PROX2: variants seen among roughly 807,000 people sequenced by gnomAD.
PROX2 encodes prospero homeobox protein 2.
In PROX2, 46 loss-of-function variants were observed where a neutral mutation model predicts 48.9. The observed-to-expected ratio is 0.94, with a 90% CI of 0.74 to 1.20. The LOEUF (loss-of-function observed/expected upper bound fraction) is 1.20, where lower values mean the gene tolerates loss of function less well. Among genes scored for constraint, PROX2 ranks in the 50% most tolerant of loss-of-function variants. The pLI is 0.00. For synonymous variants in PROX2, 260 were observed against 276.6 expected (o/e 0.94, Z 0.60); for missense variants, 663 against 719.4 (o/e 0.92, Z 0.90).
At chr14:74,874,925 G>A (rs1429280229) in intron 1 of PROX2, among the ~76,000 whole-genome samples, 2 of 151,806 alleles carry the variant, frequency 1.3e-5, no homozygotes, top group East Asian at 3.9e-4. Flanking sequence ...TGGGTAGATC[G>A]CCTGAGGTCA....
chr14:74,858,842 TTGTGTGTGTG>T (rs199587376), intron 3 of PROX2: 6,005 of 162,152 alleles, frequency 0.037, 168 homozygotes, highest in Non-Finnish European at 0.049. Context: ...GGTTGGTGTA[TTGTGTGTGTG>T]TGTGTGTGTG....
rs2140168623 is a variant in PROX2, at chr14:74,863,214, T to C, written c.621A>G (p.Gln207=). The C allele has an allele frequency of 1.9e-6, 3 of 1,614,000 alleles. No homozygotes were observed. The highest frequency in any genetic ancestry group is 2.2e-5 in the South Asian group (2 of 91,084). The change falls in exon 3 of 6, where the codon CAA becomes CAG. Residue 207 remains glutamine (Q), a synonymous_variant. Transcript: ENST00000556489. ...SKDLSGAEKH[Q]ESEKPSFLPS... ...GAAGGAAACTGGGCTTCTCAGACTC[T>C]TGGTGTTTTTCTGCCCCAGAGAGGT... is the stretch of plus-strand genomic sequence containing the variant.
At chr14:74,862,499 A>G in intron 3 of PROX2, 31 bp downstream of exon 3, 1 of 1,585,738 alleles carries the variant, frequency 6.3e-7, no homozygotes, top group Non-Finnish European at 8.6e-7. Context: ...CCTGGCCAAC[A>G]ATGAGAACTT....
In PROX2 at chr14:74,863,022, G is replaced by C; in HGVS notation, c.813C>G (p.Pro271=). 1.2e-6 allele frequency: 2 copies of C among 1,613,948 alleles called. No individual in the cohort carries two copies. The highest frequency in any genetic ancestry group is 1.7e-6 in the Non-Finnish European group (2 of 1,179,854). Residue 271 remains proline (P), a synonymous_variant, in exon 3 of 6, where the codon CCC becomes CCG. Transcript: ENST00000556489. ...QGQVAEGRSE[P]SPPVGGACKD... ...TACAGGCCCCTCCCACAGGAGGTGA[G>C]GGCTCGCTTCTACCCTCTGCCACCT...
chr14:74,870,865 C>T (rs539388590), intron 2 of PROX2, among the ~76,000 whole-genome samples: 17 of 152,156 alleles, frequency 1.1e-4, no homozygotes, highest in South Asian at 6.2e-4. Context: ...CATGGTGAAA[C>T]CCTGTCTCTA....
chr14:74,856,802 T>G lies in PROX2; in HGVS notation c.1607A>C (p.Glu536Ala). 1.2e-6 allele frequency: 2 copies of G among 1,613,278 alleles called. No individual in the cohort carries two copies. The highest frequency in any genetic ancestry group is 1.7e-6 in the Non-Finnish European group (2 of 1,179,224). Reference protein sequence around the residue: ...NMHYNKGNDFEVPDCFLEIAS... With the variant: ...NMHYNKGNDFAVPDCFLEIAS... ...TGGGAACCCAGTACATGGTCTTACC[T>G]CAAAGTCATTTCCCTTGTTGTAGTG... The change falls in exon 5 of 6, where the codon GAG becomes GCG. Residue 536 changes from glutamate to alanine, a missense_variant and splice_region_variant. Transcript: ENST00000556489.
In PROX2 at chr14:74,854,657, T is replaced by C. The variant is rs2091728859; in HGVS notation, c.*475A>G. The stretch of plus-strand genomic sequence containing the variant: ...TATGTGAAAGTATCTAGCAAATAGA[T>C]GGCGCTTTATAATTAGGTGACTAAA... On this transcript the variant is annotated 3_prime_UTR_variant, in exon 6 of 6. Transcript: ENST00000556489. 1 of 153,586 alleles carries C rather than the reference T, an allele frequency of 6.5e-6. No individual in the cohort carries two copies. Among genetic ancestry groups the C allele is most frequent in the African/African-American group, 2.4e-5 (1 of 41,448 alleles). The allele number at this position is 153,586 out of a possible 1,614,324, so 9.5% of individuals were successfully genotyped here.
At chr14:74,858,360 C>T (rs767651909) in intron 4 of PROX2, 47 bp downstream of exon 4, 2 of 1,202,664 alleles carry the variant, frequency 1.7e-6, no homozygotes, top group Admixed American at 2.0e-5. Flanking sequence ...AAACACACTG[C>T]CTCTTGGGAG....
chr14:74,873,291 G>T (rs923169376), intron 1 of PROX2, among the ~76,000 whole-genome samples: 10 of 152,042 alleles, frequency 6.6e-5, no homozygotes, highest in African/African-American at 2.4e-4. Context: ...CCAGCCCTTT[G>T]TTAGCTCTTA....
Position 74,863,935 on chromosome 14 carries a change from G to A in PROX2, c.-101C>T. 7.6e-7 allele frequency: 1 copy of A among 1,312,868 alleles called. No homozygotes were observed. Among genetic ancestry groups the A allele is most frequent in the Non-Finnish European group, 9.7e-7 (1 of 1,029,942 alleles). 81.3% of individuals were successfully genotyped at this position (1,312,868 alleles called of 1,614,324 possible). A position where few individuals can be genotyped will look rare whatever the true frequency, so the allele number is the denominator to read the frequency against. On this transcript the variant is annotated 5_prime_UTR_variant, in exon 3 of 6. Transcript: ENST00000556489. Reference sequence around the variant, plus strand: ...GGCTTCCTCCTCTGCACTTAGAAGGGTAAAGAGCCACTGTCACTGAGGAAG... The same window carrying A: ...GGCTTCCTCCTCTGCACTTAGAAGGATAAAGAGCCACTGTCACTGAGGAAG...
At position 74,853,053 on chromosome 14, in the gene PROX2, A is replaced by G. The variant is rs1358398741; in HGVS notation, c.*2079T>C. On this transcript the variant is annotated 3_prime_UTR_variant, in exon 6 of 6. Transcript: ENST00000556489. ...CTGTTGGCAGAGCATACATATTTAT[A>G]CATTCTTCTGTGTTTAGCTCAGTGG... The G allele has an allele frequency of 6.6e-6, 1 of 152,230 alleles. No individual in the cohort carries two copies. The highest frequency in any genetic ancestry group is 2.4e-5 in the African/African-American group (1 of 41,444). The allele number at this position is 152,230 out of a possible 1,614,324, so 9.4% of individuals were successfully genotyped here. A position where few individuals can be genotyped will look rare whatever the true frequency, so the allele number is the denominator to read the frequency against.
chr14:74,856,870 C>T lies in PROX2; in HGVS notation c.1539G>A (p.Leu513=), dbSNP rs770157372. 2 of 1,613,844 alleles carry T rather than the reference C, an allele frequency of 1.2e-6. No individual in the cohort carries two copies. The highest frequency in any genetic ancestry group is 1.7e-5 in the Admixed American group (1 of 59,992). Residue 513 remains leucine (L), a synonymous_variant, in exon 5 of 6, where the codon CTG becomes CTA. Transcript: ENST00000556489. ...AAAGTTCTGAATTGCGGAGAACCAC[C>T]AGCATTTTGGGATTTGTGACACCAT... is the stretch of plus-strand genomic sequence containing the variant. ...ISDGVTNPKM[L]VVLRNSELFQ... is the part of the protein sequence containing the mutation.
chr14:74,863,518 T>C lies in PROX2; in HGVS notation c.317A>G (p.Gln106Arg), dbSNP rs767186286. 3 of 1,613,602 alleles carry C rather than the reference T, an allele frequency of 1.9e-6. No homozygotes were observed. The highest frequency in any genetic ancestry group is 2.5e-6 in the Non-Finnish European group (3 of 1,179,700). The change falls in exon 3 of 6, where the codon CAG becomes CGG. Residue 106 changes from glutamine to arginine, a missense_variant. Physicochemically the swap from Gln to Arg is conservative, Grantham distance 43. Transcript: ENST00000556489. ...GAGGCCTTGCGGTGTGGGAAGGTTCTGCTTCCTCTTCCTCTCTCGGGCCTT... is the reference window on the plus strand; with the variant it reads ...GAGGCCTTGCGGTGTGGGAAGGTTCCGCTTCCTCTTCCTCTCTCGGGCCTT... Reference protein sequence around the residue: ...PKKARERKRKQNLPTPQGLLM... With the variant: ...PKKARERKRKRNLPTPQGLLM...
chr14:74,873,147 C>A (rs1001591336), intron 1 of PROX2, among the ~76,000 whole-genome samples: 2 of 152,108 alleles, frequency 1.3e-5, no homozygotes, highest in Non-Finnish European at 2.9e-5. Context: ...CCATGCCCAG[C>A]TAATTTTTTG....
chr14:74,868,344 T>C lies in PROX2; in HGVS notation c.-175+2759A>G, dbSNP rs1594863478. On this transcript the variant is annotated intron_variant, in intron 2 of 5. Coordinates refer to ENST00000556489, the MANE Select transcript of PROX2 (RefSeq NM_001243007.2). ...ATATATATATATATATATATATATA[T>C]ATATATATATATATATAAACAAAAA... is the stretch of plus-strand genomic sequence containing the variant. 1.5e-5 allele frequency among the ~76,000 whole-genome samples: 2 copies of C among 129,652 alleles called. 1 individual carries two copies. The highest frequency in any genetic ancestry group is 4.7e-4 in the East Asian group (2 of 4,244). 85.1% of individuals were successfully genotyped at this position (129,652 alleles called of 152,430 possible).
chr14:74,869,852 T>C (rs1429046571), intron 2 of PROX2, among the ~76,000 whole-genome samples: 2 of 152,186 alleles, frequency 1.3e-5, no homozygotes, highest in Non-Finnish European at 2.9e-5. Context: ...ATTCATGGAT[T>C]GTATATTAAG....
rs1165701836 is a variant in PROX2 at position 74,854,223 on chromosome 14, T to G, written c.*909A>C. 1 of 455,890 alleles carries G rather than the reference T, an allele frequency of 2.2e-6. No individual in the cohort carries two copies. Among genetic ancestry groups the G allele is most frequent in the South Asian group, 1.6e-5 (1 of 63,740 alleles). The allele number at this position is 455,890 out of a possible 1,614,324, so 28.2% of individuals were successfully genotyped here. A position where few individuals can be genotyped will look rare whatever the true frequency, so the allele number is the denominator to read the frequency against. ...TTGCAATGGTCAGCTGGAGACTATT[T>G]GCATTATCCAGCTGATAAACTCTTC... is the stretch of plus-strand genomic sequence containing the variant. On this transcript the variant is annotated 3_prime_UTR_variant, in exon 6 of 6. Coordinates refer to ENST00000556489, the MANE Select transcript of PROX2 (RefSeq NM_001243007.2).
chr14:74,866,961 C>G (rs1883081466), intron 2 of PROX2, among the ~76,000 whole-genome samples: 1 of 152,014 alleles, frequency 6.6e-6, no homozygotes, highest in South Asian at 2.1e-4. Context: ...CTAGTGCACA[C>G]AAGGAGGGAT....
rs1489706584 is a variant in PROX2 at position 74,862,531 on chromosome 14, T to C, written c.1304A>G (p.His435Arg). The C allele has an allele frequency of 1.9e-6, 3 of 1,611,362 alleles. No individual in the cohort carries two copies. In the South Asian group the frequency reaches 3.3e-5, roughly 18 times the overall value. The change falls in exon 3 of 6, where the codon CAC (histidine) becomes CGC (arginine). Residue 435 changes from histidine to arginine, a missense_variant and splice_region_variant. Coordinates refer to ENST00000556489, the MANE Select transcript of PROX2 (RefSeq NM_001243007.2). ...ACTTCAATTGCTATTAAAGGATATGTGGACCAAAGAGAAAGGCAGTGCCTC... is the reference window on the plus strand; with the variant it reads ...ACTTCAATTGCTATTAAAGGATATGCGGACCAAAGAGAAAGGCAGTGCCTC... ...VMEALPFSLV[H>R]IQEGLNPGHL...
Sources: allele counts gnomAD v4.1 joint callset (sites outside exome capture counted in the v4.1 genomes callset), GRCh38; gene constraint gnomAD v4.1.1; transcripts MANE v1.5; gene names NCBI Gene and HGNC (gene_info 2026-07-23, HGNC 2026-07-21).